The following CFAP47 variants were observed in gnomAD, a reference collection of about 807,000 sequenced individuals.
The protein encoded by CFAP47 is cilia- and flagella-associated protein 47.
Under a neutral mutation model 148.1 loss-of-function variants are expected in CFAP47, and 29 were observed. The ratio of observed to expected loss-of-function variants is 0.20; its 90% CI spans 0.15 to 0.27. CFAP47 has a LOEUF of 0.27. Ranked by LOEUF, CFAP47 falls within the 10% of genes least tolerant of loss-of-function variation. The pLI, the probability that CFAP47 is intolerant of heterozygous loss-of-function variation, is 1.00. For missense variants in CFAP47, 1,872 were observed against 1,697.5 expected (o/e 1.10, Z -1.81); for synonymous variants, 664 against 577.3 (o/e 1.15, Z -2.15).
intron 30 of CFAP47, among the ~76,000 whole-genome samples, chrX:36,092,500 G>A (rs1938202960): frequency 9.0e-6 from 1 of 111,355 alleles, no homozygotes; most frequent in African/African-American, 3.2e-5. Flanking sequence ...TGTAGGGATT[G>A]ATGTAGCTGA....
chrX:36,268,319 A>G (rs1323162758), intron 49 of CFAP47, among the ~76,000 whole-genome samples: 1 of 113,250 alleles, frequency 8.8e-6, no homozygotes, highest in Non-Finnish European at 1.9e-5. Context: ...GAGAACAAGG[A>G]AGATTTACCT....
chrX:36,038,961 C>T, intron 24 of CFAP47, 23 bp from the exon 25 acceptor site: 5 of 793,440 alleles, frequency 6.3e-6, no homozygotes, highest in South Asian at 4.2e-5. Context: ...TTTAAAATAC[C>T]CTTAAAATTT....
intron 56 of CFAP47, among the ~76,000 whole-genome samples, chrX:36,315,364 G>T (rs1556010771): frequency 8.9e-6 from 1 of 111,870 alleles, no homozygotes; most frequent in African/African-American, 3.2e-5. Context: ...GGAGTGGCTT[G>T]CCCTTCACTC....
In CFAP47 at chrX:36,285,669, G is replaced by A; in HGVS notation, c.7629G>A (p.Glu2543=). The A allele has an allele frequency of 9.0e-7, 1 of 1,110,230 alleles. No homozygotes were observed. Among genetic ancestry groups the A allele is most frequent in the Non-Finnish European group, 1.2e-6 (1 of 821,985 alleles). The allele number at this position is 1,110,230 out of a possible 1,213,427, so 91.5% of individuals were successfully genotyped here. A position where few individuals can be genotyped will look rare whatever the true frequency, so the allele number is the denominator to read the frequency against. Residue 2543 remains glutamate (E), a synonymous_variant, in exon 51 of 64, where the codon GAG becomes GAA. Transcript: ENST00000378653. ...FNNLRFWYNL[E]IHSTPGPPIE... ...ATTTAAGATTCTGGTATAATCTTGA[G>A]ATCCATAGCACTCCTGGACCACCCA...
intron 19 of CFAP47, among the ~76,000 whole-genome samples, chrX:35,997,651 C>G (rs912237610): frequency 9.0e-6 from 1 of 111,282 alleles, no homozygotes; most frequent in Non-Finnish European, 1.9e-5. Context: ...AAATCATCTT[C>G]ATTATGGTCC....
intron 49 of CFAP47, among the ~76,000 whole-genome samples, chrX:36,253,769 T>G (rs1569300584): frequency 8.9e-6 from 1 of 111,822 alleles, no homozygotes; most frequent in Non-Finnish European, 1.9e-5. Flanking sequence ...TTCTTATATG[T>G]TGGCAAATAT....
chrX:36,281,538 A>G (rs1195387982), intron 50 of CFAP47, among the ~76,000 whole-genome samples: 1 of 112,531 alleles, frequency 8.9e-6, no homozygotes, highest in Non-Finnish European at 1.9e-5. Context: ...CAGTCTTGAG[A>G]AATAATTGCT....
intron 48 of CFAP47, among the ~76,000 whole-genome samples, chrX:36,248,327 T>G (rs1940646035): frequency 1.2e-5 from 1 of 85,353 alleles, no homozygotes; most frequent in Admixed American, 1.6e-4. Flanking sequence ...TTTTCTATGC[T>G]TTAGAAAAAA....
At chrX:35,966,363 A>C (rs1195212487) in intron 8 of CFAP47, among the ~76,000 whole-genome samples, 1 of 105,273 alleles carries the variant, frequency 9.5e-6, no homozygotes, top group Admixed American at 1.0e-4. Context: ...AAAAATTTTA[A>C]TAATTTTTAT....
intron 57 of CFAP47, among the ~76,000 whole-genome samples, chrX:36,341,975 A>G (rs1941657274): frequency 9.0e-6 from 1 of 111,101 alleles, no homozygotes; most frequent in Admixed American, 9.6e-5. Flanking sequence ...TAAATTATAT[A>G]GTGACTGTAT....
In CFAP47 at chrX:36,371,819, C is replaced by T. The variant is rs143333829; in HGVS notation, c.9185+4692C>T. Among the ~76,000 whole-genome samples the T allele has an allele frequency of 5.5e-4, 32 of 57,775 alleles. 2 individuals are homozygous for T. Among genetic ancestry groups the T allele is most frequent in the East Asian group, 6.7e-4 (1 of 1,497 alleles). 50.2% of individuals were successfully genotyped at this position (57,775 alleles called of 115,157 possible). ...ATATACACACATGTATATATGTGTG[C>T]ATATACACACATGTGTGTATATGTG... On this transcript the variant is annotated intron_variant, in intron 62 of 63. Coordinates refer to ENST00000378653, the MANE Select transcript of CFAP47 (RefSeq NM_001304548.2).
At chrX:36,005,409 C>T (rs1465632908) in intron 21 of CFAP47, among the ~76,000 whole-genome samples, 1 of 111,830 alleles carries the variant, frequency 8.9e-6, no homozygotes, top group East Asian at 2.8e-4. Context: ...AAATATTTTG[C>T]AATTTCCCAC....
chrX:36,034,858 T>A (rs1937320271), intron 23 of CFAP47, among the ~76,000 whole-genome samples: 1 of 111,056 alleles, frequency 9.0e-6, no homozygotes, highest in African/African-American at 3.3e-5. Flanking sequence ...TGTATAAGAG[T>A]TGCTACTGCA....
intron 22 of CFAP47, among the ~76,000 whole-genome samples, chrX:36,016,962 A>G (rs745356204): frequency 9.9e-4 from 109 of 110,605 alleles, no homozygotes; most frequent in African/African-American, 2.7e-3. Flanking sequence ...TGCCATTTGT[A>G]TGTTTTCTTC....
At chrX:36,068,878 C>A (rs1937691090) in intron 27 of CFAP47, among the ~76,000 whole-genome samples, 1 of 107,593 alleles carries the variant, frequency 9.3e-6, no homozygotes, top group South Asian at 4.1e-4. Context: ...ATCACTTGAA[C>A]CGAGGAGGCA....
chrX:36,166,011 C>A (rs6632505), intron 39 of CFAP47, among the ~76,000 whole-genome samples: 30,095 of 110,036 alleles, frequency 0.27, 5,541 homozygotes, highest in African/African-American at 0.65. Context: ...AGGGGACAAA[C>A]TTCAGCCCAT....
chrX:36,112,506 G>A (rs979945833), intron 33 of CFAP47, among the ~76,000 whole-genome samples: 1 of 111,582 alleles, frequency 9.0e-6, no homozygotes, highest in African/African-American at 3.3e-5. Flanking sequence ...TTGCTGAAGC[G>A]TGTTTTGTGT....
intron 54 of CFAP47, 148 bp downstream of exon 54, chrX:36,304,108 G>T (rs1394594131): frequency 3.5e-5 from 12 of 341,755 alleles, no homozygotes; most frequent in South Asian, 1.4e-4. Context: ...TAGGCCCAGC[G>T]GGGTGGCTCA....
At chrX:36,315,917 C>T (rs900156395) in intron 56 of CFAP47, among the ~76,000 whole-genome samples, 1 of 111,516 alleles carries the variant, frequency 9.0e-6, no homozygotes, top group Admixed American at 9.6e-5. Context: ...TCCCAAATAA[C>T]AGCTTCTGAG....
Sources: gnomAD v4.1 joint callset for allele counts (sites outside exome capture counted in the v4.1 genomes callset) on GRCh38, gnomAD v4.1.1 for gene constraint, MANE v1.5 for transcripts, NCBI Gene and HGNC (gene_info 2026-07-23, HGNC 2026-07-21) for gene names.